Variants in DAB1 observed in about 807,000 individuals in gnomAD.
The protein encoded by DAB1 is disabled homolog 1.
DAB1 carries 15 observed loss-of-function variants against 64.6 expected under a neutral mutation model. The observed-to-expected ratio is 0.23, with a 90% CI of 0.16 to 0.36. The LOEUF (loss-of-function observed/expected upper bound fraction) is 0.36, where lower values mean the gene tolerates loss of function less well. Ranked by LOEUF, DAB1 falls within the 10% of genes least tolerant of loss-of-function variation. The probability of loss-of-function intolerance (pLI) is 1.00; values close to 1 mark genes in which losing one functional copy is unlikely to be tolerated. For missense variants in DAB1, 596 were observed against 706.7 expected, an observed-to-expected ratio of 0.84 and a Z score of 1.78; for synonymous variants, 235 against 251.9, an observed-to-expected ratio of 0.93 and a Z score of 0.64.
At chr1:58,516,685 G>A (rs547705319) in intron 2 of DAB1, among the ~76,000 whole-genome samples, 2 of 152,124 alleles carry the variant, frequency 1.3e-5, no homozygotes, top group East Asian at 1.9e-4. Flanking sequence ...GAGTAACATC[G>A]TTTTTGTGAA....
At chr1:57,446,488 T>A (rs955558413) in intron 7 of DAB1, among the ~76,000 whole-genome samples, 2 of 151,644 alleles carry the variant, frequency 1.3e-5, no homozygotes, top group Non-Finnish European at 2.9e-5. Context: ...TCCCAGCTAC[T>A]TGGGAAGGCT....
chr1:57,203,198 G>A (rs567609022), intron 2 of DAB1, among the ~76,000 whole-genome samples: 1 of 152,210 alleles, frequency 6.6e-6, no homozygotes, highest in Non-Finnish European at 1.5e-5. Context: ...ACACCTCCAA[G>A]TTTTGGACAA....
At chr1:57,187,053 C>A (rs1398476216) in intron 2 of DAB1, among the ~76,000 whole-genome samples, 1 of 152,144 alleles carries the variant, frequency 6.6e-6, no homozygotes, top group African/African-American at 2.4e-5. Context: ...GGTAAAGTTT[C>A]TGCTTTTTAA....
At chr1:58,248,981 C>A (rs1198642587) in intron 4 of DAB1, among the ~76,000 whole-genome samples, 2 of 152,154 alleles carry the variant, frequency 1.3e-5, no homozygotes, top group Non-Finnish European at 2.9e-5. Context: ...AAAATGCATT[C>A]ATTGGAACTC....
intron 6 of DAB1, among the ~76,000 whole-genome samples, chr1:57,702,614 C>T (rs1182260539): frequency 6.6e-6 from 1 of 152,106 alleles, no homozygotes; most frequent in Non-Finnish European, 1.5e-5. Flanking sequence ...AGTCTGAGCT[C>T]CTTTAGGATA....
chr1:57,813,745 G>A (rs866858030), intron 6 of DAB1, among the ~76,000 whole-genome samples: 4 of 152,136 alleles, frequency 2.6e-5, no homozygotes, highest in South Asian at 2.1e-4. Flanking sequence ...TTCTTTCCAC[G>A]AGCCTGATCC....
intron 4 of DAB1, among the ~76,000 whole-genome samples, chr1:57,117,983 A>G (rs546578139): frequency 3.9e-5 from 6 of 152,350 alleles, no homozygotes; most frequent in African/African-American, 1.4e-4. Flanking sequence ...AAGGCTAAGA[A>G]TACAGCCAGG....
intron 4 of DAB1, among the ~76,000 whole-genome samples, chr1:58,317,452 G>A (rs1662583242): frequency 6.6e-6 from 1 of 152,226 alleles, no homozygotes; most frequent in Non-Finnish European, 1.5e-5. Context: ...ATACAGTTGT[G>A]TTCTCAGGCT....
intron 2 of DAB1, among the ~76,000 whole-genome samples, chr1:57,244,933 C>T (rs901102749): frequency 4.6e-5 from 7 of 152,104 alleles, no homozygotes; most frequent in East Asian, 3.9e-4. Context: ...TGTCAGGGGA[C>T]GGTACTGGTA....
intron 5 of DAB1, among the ~76,000 whole-genome samples, chr1:58,107,564 C>T (rs1348266699): frequency 1.3e-5 from 2 of 151,724 alleles, no homozygotes; most frequent in African/African-American, 2.4e-5. Context: ...ACCTGAAGAG[C>T]CTTTGGCCAG....
At chr1:58,342,549 C>G (rs911429458) in intron 4 of DAB1, among the ~76,000 whole-genome samples, 4 of 152,132 alleles carry the variant, frequency 2.6e-5, no homozygotes, top group African/African-American at 9.7e-5. Context: ...GAACTCCAAG[C>G]TCATATACTT....
Position 58,374,104 on chromosome 1 carries a change from A to G in DAB1, n.258-30701T>C, listed in dbSNP as rs9661647. On this transcript the variant is annotated intron_variant and non_coding_transcript_variant, in intron 3 of 20. Transcript: ENST00000485760. The stretch of plus-strand genomic sequence containing the variant: ...GCCCTTTGTCAGATGAGTAGGTTGC[A>G]AAAATTTTCTCCCGTGTTGTAGGTT... Among the ~76,000 whole-genome samples, 6 of 67,392 alleles carry G rather than the reference A, an allele frequency of 8.9e-5. 1 individual carries two copies. Among genetic ancestry groups the G allele is most frequent in the Admixed American group, 2.0e-4 (1 of 5,090 alleles). 44.2% of individuals were successfully genotyped at this position (67,392 alleles called of 152,430 possible). A position where few individuals can be genotyped will look rare whatever the true frequency, so the allele number is the denominator to read the frequency against.
At chr1:58,510,376 C>T (rs190704137) in intron 2 of DAB1, among the ~76,000 whole-genome samples, 2 of 152,030 alleles carry the variant, frequency 1.3e-5, no homozygotes, top group Admixed American at 6.6e-5. Flanking sequence ...TAAAAAAACA[C>T]ATGATCATCT....
At chr1:57,286,089 C>T (rs643382) in intron 2 of DAB1, among the ~76,000 whole-genome samples, 66,014 of 152,022 alleles carry the variant, frequency 0.43, 14,756 homozygotes, top group Admixed American at 0.59. Context: ...TTACATCCCT[C>T]ATTTGAATTG....
rs67406013 is a variant in DAB1, at chr1:58,349,434, T to TTTA, written n.258-6034_258-6032dup. On this transcript the variant is annotated intron_variant and non_coding_transcript_variant, in intron 3 of 20. Coordinates refer to the DAB1 transcript ENST00000485760. The stretch of plus-strand genomic sequence containing the variant: ...AGTTCAACATTTTGACTTGGCTCCT[T>TTTA]TTATTATTATTATTATTATTATCAT... Among the ~76,000 whole-genome samples, 452 of 150,474 alleles carry TTTA rather than the reference T, an allele frequency of 3.0e-3. 1 individual carries two copies. The highest frequency in any genetic ancestry group is 0.015 in the East Asian group (75 of 5,090).
intron 9 of DAB1, among the ~76,000 whole-genome samples, chr1:57,053,642 A>ATCTCTCTCTC (rs146813079): frequency 0.044 from 5,570 of 126,142 alleles, 336 homozygotes; most frequent in African/African-American, 0.13. Context: ...CCATCTAAGA[A>ATCTCTCTCTC]TCTCTCTCTC....
chr1:58,381,753 G>A (rs990012218), intron 3 of DAB1, among the ~76,000 whole-genome samples: 1 of 152,220 alleles, frequency 6.6e-6, no homozygotes, highest in Non-Finnish European at 1.5e-5. Flanking sequence ...TGTTAACTGG[G>A]TGATAACCAT....
At chr1:57,039,345 A>C (rs1480861621) in intron 9 of DAB1, among the ~76,000 whole-genome samples, 2 of 152,168 alleles carry the variant, frequency 1.3e-5, no homozygotes, top group African/African-American at 4.8e-5. Flanking sequence ...AATTTACAGA[A>C]AGGGAAGGAA....
intron 4 of DAB1, among the ~76,000 whole-genome samples, chr1:57,087,041 G>A (rs913707264): frequency 6.6e-6 from 1 of 152,202 alleles, no homozygotes; most frequent in South Asian, 2.1e-4. Flanking sequence ...TTTGGCAGAG[G>A]TAAGTGACTG....
Sources: gnomAD v4.1 joint callset for allele counts (sites outside exome capture counted in the v4.1 genomes callset) on GRCh38, gnomAD v4.1.1 for gene constraint, MANE v1.5 for transcripts, NCBI Gene and HGNC (gene_info 2026-07-23, HGNC 2026-07-21) for gene names.